Variants in BCORL1 observed in about 807,000 individuals in gnomAD.
BCORL1 encodes the protein BCL-6 corepressor-like protein 1.
Under a neutral mutation model 87.6 loss-of-function variants are expected in BCORL1, and 7 were observed. The observed-to-expected ratio is 0.08, with a 90% CI of 0.05 to 0.15. The LOEUF (loss-of-function observed/expected upper bound fraction) is 0.15. BCORL1 is among the 10% of genes least tolerant of loss of function. The probability of loss-of-function intolerance (pLI) is 1.00; values close to 1 mark genes in which losing one functional copy is unlikely to be tolerated. For missense variants in BCORL1, 1,215 were observed against 1,499.7 expected, an observed-to-expected ratio of 0.81 and a Z score of 3.13; for synonymous variants, 591 against 634.4, an observed-to-expected ratio of 0.93 and a Z score of 1.03.
chrX:129,991,726 C>T (rs1185794488), intron 1 of BCORL1, among the ~76,000 whole-genome samples: 8 of 86,592 alleles, frequency 9.2e-5, no homozygotes. Context: ...GGTGCGATCT[C>T]GGCTCACTGC....
chrX:130,017,127 G>A (rs2124459437), intron 4 of BCORL1, among the ~76,000 whole-genome samples: 1 of 111,391 alleles, frequency 9.0e-6, no homozygotes, highest in South Asian at 3.8e-4. Context: ...TGAAAAGCTG[G>A]TGAGAGCTAT....
At chrX:130,000,199 C>A (rs1421774936) in intron 1 of BCORL1, among the ~76,000 whole-genome samples, 1 of 109,639 alleles carries the variant, frequency 9.1e-6, no homozygotes, top group African/African-American at 3.3e-5. Context: ...GCACCCGCCA[C>A]CATGCCCGGC....
chrX:130,026,761 C>T (rs1441947770), intron 7 of BCORL1, among the ~76,000 whole-genome samples: 1 of 113,066 alleles, frequency 8.8e-6, no homozygotes, highest in African/African-American at 3.2e-5. Context: ...CCAATCAAGG[C>T]ATCCTACTTG....
intron 13 of BCORL1, among the ~76,000 whole-genome samples, chrX:130,055,017 CAG>C (rs775330038): frequency 5.3e-5 from 6 of 112,438 alleles, no homozygotes; most frequent in African/African-American, 1.6e-4. Flanking sequence ...GCTGACAAGA[CAG>C]AGCCCAGGCC....
intron 1 of BCORL1, among the ~76,000 whole-genome samples, chrX:130,002,786 G>A (rs1928163689): frequency 9.3e-6 from 1 of 106,986 alleles, no homozygotes; most frequent in South Asian, 4.3e-4. Context: ...AGAGTAAAGA[G>A]AGAGAGATGG....
At chrX:130,004,981 A>G (rs1348662157) in intron 1 of BCORL1, among the ~76,000 whole-genome samples, 1 of 112,532 alleles carries the variant, frequency 8.9e-6, no homozygotes, top group African/African-American at 3.2e-5. Flanking sequence ...GGTGATTAAC[A>G]ATGTCCTCAT....
At chrX:130,046,198 G>A (rs1931732714) in intron 11 of BCORL1, among the ~76,000 whole-genome samples, 1 of 110,101 alleles carries the variant, frequency 9.1e-6, no homozygotes, top group African/African-American at 3.3e-5. Context: ...TGAGGCAAGA[G>A]GATCACTTGA....
chrX:130,023,669 CATA>C (rs1930007468), intron 6 of BCORL1, among the ~76,000 whole-genome samples: 1 of 112,172 alleles, frequency 8.9e-6, no homozygotes, highest in African/African-American at 3.2e-5. Flanking sequence ...AATTGGGGCT[CATA>C]ATGATGGCCT....
rs113165832 is a variant in BCORL1, at chrX:130,052,145, C to T, written c.5075+129C>T. 8.3e-4 allele frequency: 542 copies of T among 649,415 alleles called. 1 individual carries two copies. The African/African-American group carries it at 8.8e-3, about 10-fold the overall frequency. 53.5% of individuals were successfully genotyped at this position (649,415 alleles called of 1,213,427 possible). The stretch of plus-strand genomic sequence containing the variant: ...TCACACATGACAAAGGCTAGCCTGC[C>T]CTTTTAGCCCAGAGTAGTCATGTTC... On this transcript the variant is annotated intron_variant, in intron 13 of 13. Transcript: ENST00000540052.
rs753604229 is a variant in BCORL1, at chrX:130,023,032, C to T, written c.3688+55C>T. 1.7e-5 allele frequency: 18 copies of T among 1,049,653 alleles called. No homozygotes were observed. In the African/African-American group the frequency reaches 2.6e-4, roughly 15 times the overall value. 86.5% of individuals were successfully genotyped at this position (1,049,653 alleles called of 1,213,427 possible). A position where few individuals can be genotyped will look rare whatever the true frequency, so the allele number is the denominator to read the frequency against. ...CAGCATCTTCTATGAAAAGAGAGAT[C>T]GAAATCTGGTTGAGCAGTTTTACCA... On this transcript the variant is annotated intron_variant, in intron 6 of 13. Transcript: ENST00000540052.
Position 130,051,838 on chromosome X carries a change from C to T in BCORL1, c.4919-22C>T, listed in dbSNP as rs562619688. On this transcript the variant is annotated intron_variant, in intron 12 of 13. Coordinates refer to ENST00000540052, the MANE Select transcript of BCORL1 (RefSeq NM_001379451.1). ...TTTGTACATGTATCTGAGTCCTAAT[C>T]CCCTATATGCTCCCCTTACAGAGGA... 66 of 1,158,860 alleles carry T rather than the reference C, an allele frequency of 5.7e-5. No homozygotes were observed. The South Asian group carries it at 6.5e-4, about 11-fold the overall frequency.
At chrX:130,010,973 C>T (rs1355442967) in intron 2 of BCORL1, among the ~76,000 whole-genome samples, 2 of 89,203 alleles carry the variant, frequency 2.2e-5, no homozygotes, top group Admixed American at 1.3e-4. Context: ...CACTGCACTC[C>T]AGCCTGGGTG....
intron 13 of BCORL1, 54 bp downstream of exon 13, chrX:130,052,070 A>G (rs917599796): frequency 5.9e-5 from 63 of 1,074,563 alleles, no homozygotes; most frequent in Non-Finnish European, 7.6e-5. Flanking sequence ...GGCACTCAGT[A>G]GGAAGGTGGA....
intron 5 of BCORL1, among the ~76,000 whole-genome samples, chrX:130,022,236 C>CTTTCTT (rs1393042893): frequency 1.4e-4 from 8 of 56,309 alleles, no homozygotes; most frequent in African/African-American, 5.3e-4. Flanking sequence ...TTCTTTCTTT[C>CTTTCTT]TTTTTTTTTT....
At chrX:130,054,320 A>C (rs1355979165) in intron 13 of BCORL1, among the ~76,000 whole-genome samples, 1 of 111,801 alleles carries the variant, frequency 8.9e-6, no homozygotes, top group Admixed American at 9.5e-5. Flanking sequence ...GTAGTATTAC[A>C]ATAGGGATGT....
At chrX:130,029,812 G>A (rs934161342) in intron 8 of BCORL1, among the ~76,000 whole-genome samples, 3 of 109,427 alleles carry the variant, frequency 2.7e-5, no homozygotes, top group African/African-American at 3.3e-5. Flanking sequence ...CACCACGCCC[G>A]GCTAATTTTT....
intron 6 of BCORL1, among the ~76,000 whole-genome samples, chrX:130,024,781 C>T (rs898219984): frequency 1.4e-4 from 16 of 111,536 alleles, no homozygotes; most frequent in African/African-American, 5.2e-4. Context: ...CAAAACAGCC[C>T]TGTGAGGTCA....
chrX:130,031,719 G>T (rs768628580), intron 8 of BCORL1, among the ~76,000 whole-genome samples: 1 of 111,871 alleles, frequency 8.9e-6, no homozygotes, highest in South Asian at 3.7e-4. Context: ...GGGAGGCAGA[G>T]GTTGCAGTGA....
intron 3 of BCORL1, 122 bp from the exon 4 acceptor site, chrX:130,012,828 C>G: frequency 9.3e-7 from 1 of 1,080,217 alleles, no homozygotes; most frequent in South Asian, 2.1e-5. Context: ...CTGCCCTCTG[C>G]GTCTTCCGAG....
Sources: allele counts gnomAD v4.1 joint callset (sites outside exome capture counted in the v4.1 genomes callset), GRCh38; gene constraint gnomAD v4.1.1; transcripts MANE v1.5; gene names NCBI Gene and HGNC (gene_info 2026-07-23, HGNC 2026-07-21).